Variants in TLE4 observed in about 807,000 individuals in gnomAD.
The protein encoded by TLE4 is transducin-like enhancer protein 4.
TLE4 carries 8 observed loss-of-function variants against 92.8 expected under a neutral mutation model. That is an observed-to-expected ratio of 0.09 (90% confidence interval 0.05 to 0.16). The LOEUF is 0.16. Ranked by LOEUF, TLE4 falls within the 10% of genes least tolerant of loss-of-function variation. The pLI, the probability that TLE4 is intolerant of heterozygous loss-of-function variation, is 1.00. For missense variants in TLE4, 675 were observed against 997.6 expected, an observed-to-expected ratio of 0.68 and a Z score of 4.36; for synonymous variants, 371 against 374.1, an observed-to-expected ratio of 0.99 and a Z score of 0.10.
intron 5 of TLE4, among the ~76,000 whole-genome samples, chr9:79,625,510 T>C (rs942332814): frequency 8.5e-5 from 13 of 152,192 alleles, no homozygotes; most frequent in African/African-American, 2.9e-4. Flanking sequence ...ACTGATATCA[T>C]TGTTGAGTAT....
intron 6 of TLE4, among the ~76,000 whole-genome samples, chr9:79,633,922 A>G (rs528062603): frequency 1.3e-5 from 2 of 152,308 alleles, no homozygotes; most frequent in South Asian, 4.1e-4. Context: ...ACTGTCAAGC[A>G]CTTAGGTGAG....
chr9:79,631,284 T>A (rs2054126053), intron 6 of TLE4, among the ~76,000 whole-genome samples: 1 of 152,192 alleles, frequency 6.6e-6, no homozygotes, highest in African/African-American at 2.4e-5. Context: ...TGTTCATGCT[T>A]GAATGGTGCT....
intron 6 of TLE4, among the ~76,000 whole-genome samples, chr9:79,638,119 A>G (rs977383489): frequency 6.6e-6 from 1 of 152,124 alleles, no homozygotes; most frequent in Admixed American, 6.5e-5. Flanking sequence ...ATTAAGAACT[A>G]TTGTTGGTAC....
chr9:79,582,287 T>G (rs2039879003), intron 4 of TLE4, among the ~76,000 whole-genome samples: 1 of 152,246 alleles, frequency 6.6e-6, no homozygotes, highest in Non-Finnish European at 1.5e-5. Flanking sequence ...AACAAAAGGA[T>G]AGTTCCTTTT....
At chr9:79,627,580 C>A in intron 6 of TLE4, 132 bp downstream of exon 6, 1 of 813,286 alleles carries the variant, frequency 1.2e-6, no homozygotes. Flanking sequence ...AAGCACTTTG[C>A]CTTCAATCTC....
intron 11 of TLE4, chr9:79,707,119 A>C: frequency 6.2e-7 from 1 of 1,612,856 alleles, no homozygotes; most frequent in Non-Finnish European, 8.5e-7. Context: ...TTTTGCAAGG[A>C]TAGAAGAGGG....
chr9:79,647,457 G>A (rs1194361384), intron 6 of TLE4, among the ~76,000 whole-genome samples: 2 of 152,140 alleles, frequency 1.3e-5, no homozygotes, highest in South Asian at 2.1e-4. Context: ...ACCAAGTTCT[G>A]TATGTTCGAT....
At chr9:79,710,334 A>G (rs780856244) in intron 14 of TLE4, among the ~76,000 whole-genome samples, 1 of 152,222 alleles carries the variant, frequency 6.6e-6, no homozygotes, top group Non-Finnish European at 1.5e-5. Context: ...CCCAGAAACA[A>G]AGATTTTACT....
At chr9:79,573,123 G>A (rs1451059114) in intron 1 of TLE4, 3 of 623,672 alleles carry the variant, frequency 4.8e-6, no homozygotes, top group Non-Finnish European at 6.7e-6. Context: ...GACTCCTCGA[G>A]GGGGGGTGGC....
intron 8 of TLE4, among the ~76,000 whole-genome samples, chr9:79,669,568 C>T (rs887211090): frequency 3.3e-5 from 5 of 152,008 alleles, no homozygotes; most frequent in African/African-American, 9.7e-5. Flanking sequence ...CACCATCACT[C>T]ACATTGTTTT....
At chr9:79,720,567 T>C (rs545424212) in intron 16 of TLE4, among the ~76,000 whole-genome samples, 3 of 152,286 alleles carry the variant, frequency 2.0e-5, no homozygotes, top group Non-Finnish European at 2.9e-5. Context: ...CCTTGACTTA[T>C]ACTAAAGCAT....
At chr9:79,650,195 C>T (rs758929882) in intron 6 of TLE4, among the ~76,000 whole-genome samples, 5 of 152,084 alleles carry the variant, frequency 3.3e-5, no homozygotes, top group South Asian at 2.1e-4. Context: ...GGATTACAGG[C>T]GTGAGCCACT....
chr9:79,602,994 G>A (rs1303604653), intron 4 of TLE4, among the ~76,000 whole-genome samples: 2 of 152,116 alleles, frequency 1.3e-5, no homozygotes, highest in Non-Finnish European at 2.9e-5. Context: ...TCAAGACCCT[G>A]AGGATGTTCT....
intron 16 of TLE4, among the ~76,000 whole-genome samples, chr9:79,720,544 G>T (rs1457205736): frequency 6.6e-6 from 1 of 151,992 alleles, no homozygotes; most frequent in African/African-American, 2.4e-5. Context: ...ATAAAATGAG[G>T]TCTTTTTTCC....
chr9:79,588,132 T>TTGTGTGTGTGTGTG (rs1293431739), intron 4 of TLE4, among the ~76,000 whole-genome samples: 1 of 91,802 alleles, frequency 1.1e-5, no homozygotes, highest in African/African-American at 6.5e-5. Flanking sequence ...TTGTTTATCC[T>TTGTGTGTGTGTGTG]TGCGTGTGTG....
chr9:79,706,718 G>T (rs1368655035), intron 10 of TLE4, 29 bp from the exon 11 acceptor site: 22 of 1,603,798 alleles, frequency 1.4e-5, no homozygotes, highest in Non-Finnish European at 1.7e-5. Context: ...TGCTGTGCTT[G>T]CATTACTGTC....
At chr9:79,693,256 A>T (rs1024218909) in intron 8 of TLE4, among the ~76,000 whole-genome samples, 1 of 152,006 alleles carries the variant, frequency 6.6e-6, no homozygotes, top group African/African-American at 2.4e-5. Flanking sequence ...TCATTTTTCC[A>T]TCTGCCTGCT....
intron 6 of TLE4, among the ~76,000 whole-genome samples, chr9:79,641,447 CA>C (rs1416075563): frequency 2.0e-5 from 3 of 152,136 alleles, no homozygotes; most frequent in African/African-American, 7.2e-5. Context: ...AAATAAAAGT[CA>C]AAAACCCTTA....
chr9:79,713,737 A>G (rs1406114393), intron 14 of TLE4, among the ~76,000 whole-genome samples: 6 of 152,124 alleles, frequency 3.9e-5, no homozygotes, highest in Non-Finnish European at 5.9e-5. Flanking sequence ...GATCTCGTCA[A>G]TTTAGTCCTA....
Sources: allele counts gnomAD v4.1 joint callset (sites outside exome capture counted in the v4.1 genomes callset), GRCh38; gene constraint gnomAD v4.1.1; transcripts MANE v1.5; gene names NCBI Gene and HGNC (gene_info 2026-07-23, HGNC 2026-07-21).